Variants in LHFPL2 observed in about 807,000 individuals in gnomAD.
The protein encoded by LHFPL2 is LHFPL tetraspan subfamily member 2 protein.
Under a neutral mutation model 17.5 loss-of-function variants are expected in LHFPL2, and 7 were observed. That is an observed-to-expected ratio of 0.40 (90% CI 0.23 to 0.75). The LOEUF is 0.75. Among genes scored for constraint, LHFPL2 ranks in the 30% least tolerant of loss-of-function variants. The pLI, the probability that LHFPL2 is intolerant of heterozygous loss-of-function variation, is 0.37. For synonymous variants in LHFPL2, 134 were observed against 116.2 expected (o/e 1.15, Z -0.99); for missense variants, 241 against 294.8 (o/e 0.82, Z 1.34).
chr5:78,619,082 G>A (rs1159553212), intron 2 of LHFPL2, among the ~76,000 whole-genome samples: 2 of 152,170 alleles, frequency 1.3e-5, no homozygotes, highest in African/African-American at 4.8e-5. Context: ...TTGGAGTGCA[G>A]TGGTGCAATC....
intron 4 of LHFPL2, among the ~76,000 whole-genome samples, chr5:78,506,296 G>A (rs1224720352): frequency 6.6e-6 from 1 of 152,230 alleles, no homozygotes; most frequent in Non-Finnish European, 1.5e-5. Flanking sequence ...AAAAGAATAT[G>A]CTTACGATCA....
At chr5:78,586,189 C>T (rs963222689) in intron 2 of LHFPL2, among the ~76,000 whole-genome samples, 3 of 152,164 alleles carry the variant, frequency 2.0e-5, no homozygotes, top group African/African-American at 7.2e-5. Flanking sequence ...TCTCTTCCCT[C>T]GGGCAAGTTA....
intron 1 of LHFPL2, chr5:78,644,230 T>C: frequency 1.5e-6 from 1 of 678,908 alleles, no homozygotes; most frequent in Non-Finnish European, 2.6e-6. Context: ...GTTGAAATGC[T>C]TTATAGATAA....
chr5:78,571,963 T>C (rs1757009710), intron 2 of LHFPL2, among the ~76,000 whole-genome samples: 1 of 152,186 alleles, frequency 6.6e-6, no homozygotes, highest in Admixed American at 6.5e-5. Context: ...TAATAGTGCC[T>C]GAGAAATAAC....
At chr5:78,539,743 T>C (rs1426204265) in intron 3 of LHFPL2, among the ~76,000 whole-genome samples, 1 of 151,332 alleles carries the variant, frequency 6.6e-6, no homozygotes, top group African/African-American at 2.4e-5. Flanking sequence ...TAAAACCACA[T>C]AGCCTGCTAA....
At position 78,487,715 on chromosome 5, in the gene LHFPL2, C is replaced by T. The variant is rs1754294892; in HGVS notation, c.*1182G>A. On this transcript the variant is annotated 3_prime_UTR_variant, in exon 5 of 5. Transcript: ENST00000380345. ...AAACAGGTGTAGGCAGTGCTGTGAC[C>T]TTGATCTAGCGCCTCTTTTTGAATT... The T allele has an allele frequency of 6.6e-6, 1 of 152,178 alleles. No homozygotes were observed. Among genetic ancestry groups the T allele is most frequent in the Non-Finnish European group, 1.5e-5 (1 of 68,044 alleles). 9.4% of individuals were successfully genotyped at this position (152,178 alleles called of 1,614,324 possible).
chr5:78,492,314 C>CTT (rs776944567), intron 4 of LHFPL2, among the ~76,000 whole-genome samples: 3 of 152,230 alleles, frequency 2.0e-5, no homozygotes, highest in Non-Finnish European at 4.4e-5. Flanking sequence ...GCACATTGCA[C>CTT]TTGTATTATA....
intron 2 of LHFPL2, among the ~76,000 whole-genome samples, chr5:78,609,129 G>T (rs1436082851): frequency 6.6e-6 from 1 of 152,052 alleles, no homozygotes; most frequent in Non-Finnish European, 1.5e-5. Context: ...GTACAAAGAT[G>T]TTTAATGGAG....
chr5:78,579,962 C>T (rs1170452030), intron 2 of LHFPL2, among the ~76,000 whole-genome samples: 7 of 152,220 alleles, frequency 4.6e-5, no homozygotes. Flanking sequence ...TACAGTCCCA[C>T]CAACAGTGTA....
At chr5:78,630,110 CG>C (rs1483689670) in intron 2 of LHFPL2, among the ~76,000 whole-genome samples, 1 of 152,166 alleles carries the variant, frequency 6.6e-6, no homozygotes, top group Non-Finnish European at 1.5e-5. Context: ...TACATGGAGC[CG>C]GGCAGCTCAA....
At chr5:78,644,376 G>A in intron 1 of LHFPL2, 1 of 985,008 alleles carries the variant, frequency 1.0e-6, no homozygotes, top group Non-Finnish European at 1.5e-6. Flanking sequence ...TCACTATGCA[G>A]CAATATCCTT....
At chr5:78,550,280 G>A (rs962666359) in intron 3 of LHFPL2, among the ~76,000 whole-genome samples, 8 of 152,142 alleles carry the variant, frequency 5.3e-5, no homozygotes, top group African/African-American at 1.4e-4. Flanking sequence ...GCCATGGCAC[G>A]GAAGACATTG....
intron 2 of LHFPL2, among the ~76,000 whole-genome samples, chr5:78,583,931 A>C (rs1743256971): frequency 6.6e-6 from 1 of 151,822 alleles, no homozygotes; most frequent in South Asian, 2.1e-4. Context: ...AATCAGACGT[A>C]GATTTGGTCT....
intron 3 of LHFPL2, among the ~76,000 whole-genome samples, chr5:78,512,767 CTT>C (rs34696428): frequency 2.8e-3 from 388 of 137,752 alleles, no homozygotes; most frequent in Non-Finnish European, 4.4e-3. Flanking sequence ...TTTTTCTTTT[CTT>C]TTTTTTTTTT....
At chr5:78,578,980 C>G (rs1046007855) in intron 2 of LHFPL2, among the ~76,000 whole-genome samples, 1 of 152,170 alleles carries the variant, frequency 6.6e-6, no homozygotes, top group African/African-American at 2.4e-5. Context: ...GAGAGAGCAT[C>G]TATTCACCAA....
At chr5:78,564,540 C>T (rs1756810707) in intron 3 of LHFPL2, among the ~76,000 whole-genome samples, 1 of 152,012 alleles carries the variant, frequency 6.6e-6, no homozygotes, top group Non-Finnish European at 1.5e-5. Flanking sequence ...AGCTCTGAAA[C>T]TTGGGTATGA....
chr5:78,489,577 A>C (rs1472184926), intron 4 of LHFPL2, among the ~76,000 whole-genome samples: 3 of 152,022 alleles, frequency 2.0e-5, no homozygotes, highest in Non-Finnish European at 2.9e-5. Flanking sequence ...CTAAGTTTTT[A>C]AGTAGAGATG....
intron 3 of LHFPL2, among the ~76,000 whole-genome samples, chr5:78,557,903 T>C (rs2112404636): frequency 6.6e-6 from 1 of 152,344 alleles, no homozygotes; most frequent in South Asian, 2.1e-4. Flanking sequence ...AGGACCATTG[T>C]ATGACTAACG....
chr5:78,515,764 C>G (rs986558488), intron 3 of LHFPL2, among the ~76,000 whole-genome samples: 7 of 152,180 alleles, frequency 4.6e-5, no homozygotes, highest in Non-Finnish European at 1.0e-4. Context: ...CCTAGGAGAG[C>G]CTTTCACAGA....
Sources: gnomAD v4.1 joint callset for allele counts (sites outside exome capture counted in the v4.1 genomes callset) on GRCh38, gnomAD v4.1.1 for gene constraint, MANE v1.5 for transcripts, NCBI Gene and HGNC (gene_info 2026-07-23, HGNC 2026-07-21) for gene names.